Variants in HEMK2 observed in about 807,000 individuals in gnomAD.
HEMK2 encodes the protein methyltransferase HEMK2.
the HEMK2 span, among the ~76,000 whole-genome samples, chr21:28,643,932 A>G: frequency 2.0e-5 from 3 of 152,178 alleles, no homozygotes; most frequent in African/African-American, 7.2e-5. Context: ...ATCTTCCTCT[A>G]CATTAAGCCA....
At chr21:28,852,248 C>T in the HEMK2 span, among the ~76,000 whole-genome samples, 2 of 152,106 alleles carry the variant, frequency 1.3e-5, no homozygotes, top group Non-Finnish European at 2.9e-5. Context: ...CCATAATAGC[C>T]CTCACCCTAT....
At chr21:28,716,844 T>C in the HEMK2 span, among the ~76,000 whole-genome samples, 31 of 152,366 alleles carry the variant, frequency 2.0e-4, no homozygotes, top group Middle Eastern at 0.01. Flanking sequence ...AAAAAGCTTT[T>C]CTGTGTCTAT....
At chr21:28,841,006 A>G in the HEMK2 span, among the ~76,000 whole-genome samples, 2 of 114,428 alleles carry the variant, frequency 1.7e-5, no homozygotes, top group Non-Finnish European at 3.4e-5. Flanking sequence ...TATATATATT[A>G]TATATATAAT....
chr21:28,670,836 A>G, the HEMK2 span: 94 of 152,296 alleles, frequency 6.2e-4, no homozygotes, highest in African/African-American at 2.2e-3. Flanking sequence ...AATGCTTATA[A>G]AACTGTCAGA....
chr21:28,851,113 CA>C, the HEMK2 span, among the ~76,000 whole-genome samples: 1 of 152,164 alleles, frequency 6.6e-6, no homozygotes, highest in Non-Finnish European at 1.5e-5. Flanking sequence ...ATCTAACATT[CA>C]GTTTCTACCA....
chr21:28,883,096 A>G, the HEMK2 span: 1 of 1,496,882 alleles, frequency 6.7e-7, no homozygotes, highest in Non-Finnish European at 9.1e-7. Flanking sequence ...AATAAATATT[A>G]GTATAGTAGA....
chr21:28,745,295 G>T, the HEMK2 span, among the ~76,000 whole-genome samples: 4 of 152,192 alleles, frequency 2.6e-5, no homozygotes, highest in African/African-American at 9.7e-5. Flanking sequence ...TCTGAAAATC[G>T]TTAACGATAT....
At chr21:28,866,048 C>T in the HEMK2 span, among the ~76,000 whole-genome samples, 1 of 150,842 alleles carries the variant, frequency 6.6e-6, no homozygotes, top group African/African-American at 2.4e-5. Context: ...CATGCCTGTA[C>T]TTCCAGCACT....
the HEMK2 span, among the ~76,000 whole-genome samples, chr21:28,733,281 AAAACAAAC>A: frequency 6.6e-6 from 1 of 152,198 alleles, no homozygotes; most frequent in African/African-American, 2.4e-5. Flanking sequence ...TCCGTCTCAA[AAAACAAAC>A]AAACAAACAA....
chr21:28,879,926 C>G, the HEMK2 span: 7 of 1,601,606 alleles, frequency 4.4e-6, no homozygotes, highest in South Asian at 6.8e-5. Context: ...TCAACTTTTT[C>G]GGTCAATCTT....
chr21:28,612,700 G>C, the HEMK2 span, among the ~76,000 whole-genome samples: 3 of 152,188 alleles, frequency 2.0e-5, no homozygotes, highest in African/African-American at 7.2e-5. Flanking sequence ...CCTCCAGAAA[G>C]CTCCCAGAAC....
the HEMK2 span, among the ~76,000 whole-genome samples, chr21:28,705,117 T>C: frequency 1.3e-5 from 2 of 152,102 alleles, no homozygotes; most frequent in African/African-American, 4.8e-5. Flanking sequence ...GCTTGGTAAA[T>C]TTTCATTTCT....
At chr21:28,734,658 C>T in the HEMK2 span, among the ~76,000 whole-genome samples, 193 of 152,236 alleles carry the variant, frequency 1.3e-3, no homozygotes, top group Non-Finnish European at 2.3e-3. Flanking sequence ...AGCTCTGTGA[C>T]GGTGTGCTGC....
the HEMK2 span, among the ~76,000 whole-genome samples, chr21:28,787,947 G>T: frequency 0.45 from 67,751 of 151,618 alleles, 16,752 homozygotes; most frequent in African/African-American, 0.66. Flanking sequence ...TCCAAAATCA[G>T]GGAACCAACC....
chr21:28,757,282 G>A, the HEMK2 span, among the ~76,000 whole-genome samples: 1 of 152,198 alleles, frequency 6.6e-6, no homozygotes, highest in African/African-American at 2.4e-5. Context: ...AAAACCAATT[G>A]GCACATTTTT....
the HEMK2 span, chr21:28,743,074 AAC>A: frequency 6.6e-6 from 1 of 152,202 alleles, no homozygotes; most frequent in Non-Finnish European, 1.5e-5. Context: ...CGTTCACACA[AAC>A]ACAGTCACTA....
At chr21:28,738,382 T>G in the HEMK2 span, among the ~76,000 whole-genome samples, 1 of 152,228 alleles carries the variant, frequency 6.6e-6, no homozygotes, top group African/African-American at 2.4e-5. Flanking sequence ...GGCAACCTTT[T>G]GAGTGGGCTG....
At chr21:28,775,201 T>C in the HEMK2 span, among the ~76,000 whole-genome samples, 1 of 152,088 alleles carries the variant, frequency 6.6e-6, no homozygotes, top group African/African-American at 2.4e-5. Flanking sequence ...CTGGAGCAAA[T>C]GGGTGACTGA....
the HEMK2 span, among the ~76,000 whole-genome samples, chr21:28,678,441 G>A: frequency 6.6e-6 from 1 of 152,160 alleles, no homozygotes; most frequent in African/African-American, 2.4e-5. Flanking sequence ...AACTGACGGG[G>A]AGAATGGAAC....
Sources: gnomAD v4.1 joint callset for allele counts (sites outside exome capture counted in the v4.1 genomes callset) on GRCh38, gnomAD v4.1.1 for gene constraint, MANE v1.5 for transcripts, NCBI Gene and HGNC (gene_info 2026-07-23, HGNC 2026-07-21) for gene names.